Variants in CNTNAP2 observed in about 807,000 individuals in gnomAD.
CNTNAP2 encodes the protein contactin-associated protein-like 2.
In CNTNAP2, 98 loss-of-function variants were observed where a neutral mutation model predicts 155.2. That is an observed-to-expected ratio of 0.63 (90% CI 0.54 to 0.75). The LOEUF (loss-of-function observed/expected upper bound fraction) is 0.75, where lower values mean the gene tolerates loss of function less well. Among genes scored for constraint, CNTNAP2 ranks in the 30% least tolerant of loss-of-function variants. CNTNAP2 has a pLI of 0.00. For synonymous variants in CNTNAP2, 651 were observed against 631.2 expected, an observed-to-expected ratio of 1.03 and a Z score of -0.47; for missense variants, 1,727 against 1,688.1, an observed-to-expected ratio of 1.02 and a Z score of -0.40.
chr7:146,444,583 G>A (rs892734663), intron 1 of CNTNAP2, among the ~76,000 whole-genome samples: 4 of 151,794 alleles, frequency 2.6e-5, no homozygotes, highest in Admixed American at 6.6e-5. Context: ...ATGAACTGTT[G>A]CCACTTTACT....
In CNTNAP2 at chr7:148,358,337, G is replaced by T. The variant is rs528641268; in HGVS notation, c.3476-25312G>T. On this transcript the variant is annotated intron_variant, in intron 21 of 23. Coordinates refer to ENST00000361727, the MANE Select transcript of CNTNAP2 (RefSeq NM_014141.6). ...TGAGGGCCAGGTGGAGGATGAAATG[G>T]GGGGAAGAAGGCAAGATGGCGGGCA... 6.3e-4 allele frequency among the ~76,000 whole-genome samples: 96 copies of T among 152,332 alleles called. 1 individual carries two copies. The highest frequency in any genetic ancestry group is 1.2e-3 in the Non-Finnish European group (85 of 68,040).
At chr7:146,470,783 T>A (rs979934945) in intron 1 of CNTNAP2, among the ~76,000 whole-genome samples, 1 of 152,104 alleles carries the variant, frequency 6.6e-6, no homozygotes, top group African/African-American at 2.4e-5. Flanking sequence ...TCGGCCAGGA[T>A]GGTCTTGAGC....
At chr7:147,942,197 T>C (rs925690035) in intron 14 of CNTNAP2, among the ~76,000 whole-genome samples, 5 of 152,178 alleles carry the variant, frequency 3.3e-5, no homozygotes, top group African/African-American at 1.2e-4. Context: ...GCAGCAGTAA[T>C]TGATGCACTT....
intron 20 of CNTNAP2, among the ~76,000 whole-genome samples, chr7:148,238,953 A>T (rs1000368088): frequency 6.6e-6 from 1 of 152,258 alleles, no homozygotes; most frequent in Non-Finnish European, 1.5e-5. Context: ...TCATGCCTTT[A>T]TTAAGGAAAA....
intron 1 of CNTNAP2, among the ~76,000 whole-genome samples, chr7:146,659,272 T>C (rs1187866194): frequency 6.6e-6 from 1 of 152,192 alleles, no homozygotes; most frequent in East Asian, 1.9e-4. Flanking sequence ...GCAGGATATA[T>C]AGAGATAACC....
intron 1 of CNTNAP2, among the ~76,000 whole-genome samples, chr7:146,436,306 G>T (rs916496584): frequency 2.0e-5 from 3 of 152,124 alleles, no homozygotes; most frequent in African/African-American, 7.2e-5. Flanking sequence ...GTCTACAAAA[G>T]AGGTATGCTC....
intron 15 of CNTNAP2, among the ~76,000 whole-genome samples, chr7:148,005,397 C>T (rs1035468940): frequency 6.6e-6 from 1 of 152,148 alleles, no homozygotes; most frequent in Non-Finnish European, 1.5e-5. Flanking sequence ...GGGACACAGA[C>T]ATTCAGTTCA....
At chr7:148,155,472 G>A (rs1805382447) in intron 17 of CNTNAP2, among the ~76,000 whole-genome samples, 1 of 152,120 alleles carries the variant, frequency 6.6e-6, no homozygotes, top group African/African-American at 2.4e-5. Context: ...AGCTGGGATA[G>A]GAGGGATCAT....
At chr7:147,485,818 G>T in intron 10 of CNTNAP2, 117 bp from the exon 11 acceptor site, 1 of 922,918 alleles carries the variant, frequency 1.1e-6, no homozygotes. Flanking sequence ...AGGATTAATT[G>T]CCTTGGTAAG....
intron 1 of CNTNAP2, among the ~76,000 whole-genome samples, chr7:146,643,632 T>C (rs1278465052): frequency 6.6e-6 from 1 of 152,206 alleles, no homozygotes; most frequent in Admixed American, 6.5e-5. Context: ...AGGGTTGACT[T>C]GGCGATGCAG....
At position 146,982,763 on chromosome 7, in the gene CNTNAP2, A is replaced by G. The variant is rs115744371; in HGVS notation, c.403-61144A>G. Among the ~76,000 whole-genome samples the G allele has an allele frequency of 4.2e-3, 642 of 152,258 alleles. 7 individuals carry two copies. The highest frequency in any genetic ancestry group is 0.015 in the African/African-American group (609 of 41,554). On this transcript the variant is annotated intron_variant, in intron 3 of 23. Coordinates refer to ENST00000361727, the MANE Select transcript of CNTNAP2 (RefSeq NM_014141.6). ...TCACAGATGACAGAGTAAAATGCAAAATGTGTTGCTGCACATGTCAAAAGG... is the reference window on the plus strand; with the variant it reads ...TCACAGATGACAGAGTAAAATGCAAGATGTGTTGCTGCACATGTCAAAAGG...
chr7:146,294,536 A>C (rs546589729), intron 1 of CNTNAP2, among the ~76,000 whole-genome samples: 3 of 152,220 alleles, frequency 2.0e-5, no homozygotes, highest in African/African-American at 7.2e-5. Context: ...TGATTAATGT[A>C]CTTGTCAGTG....
chr7:146,866,837 G>T (rs1388327838), intron 3 of CNTNAP2, among the ~76,000 whole-genome samples: 1 of 152,078 alleles, frequency 6.6e-6, no homozygotes, highest in Non-Finnish European at 1.5e-5. Flanking sequence ...GGAAAACAAT[G>T]TACCTGATAA....
intron 7 of CNTNAP2, 98 bp downstream of exon 7, chr7:147,128,934 A>T (rs1328553695): frequency 6.6e-7 from 1 of 1,513,010 alleles, no homozygotes; most frequent in Non-Finnish European, 9.2e-7. Flanking sequence ...GACATTTTTC[A>T]TCATATTTGT....
chr7:147,552,950 G>C (rs1799879978), intron 11 of CNTNAP2, among the ~76,000 whole-genome samples: 1 of 152,160 alleles, frequency 6.6e-6, no homozygotes, highest in Non-Finnish European at 1.5e-5. Flanking sequence ...ACACAGGATA[G>C]GACAGTCAAG....
chr7:147,746,118 C>T (rs1291656026), intron 13 of CNTNAP2, among the ~76,000 whole-genome samples: 1 of 152,146 alleles, frequency 6.6e-6, no homozygotes, highest in Non-Finnish European at 1.5e-5. Context: ...GCACATTTTA[C>T]CTTTACGTGC....
chr7:146,408,531 C>A (rs191718953), intron 1 of CNTNAP2, among the ~76,000 whole-genome samples: 2,509 of 150,110 alleles, frequency 0.017, 73 homozygotes, highest in African/African-American at 0.058. Context: ...GGACAAAAAA[C>A]CAAACACTGC....
At chr7:148,150,605 G>C (rs1805280081) in intron 17 of CNTNAP2, among the ~76,000 whole-genome samples, 1 of 152,044 alleles carries the variant, frequency 6.6e-6, no homozygotes, top group South Asian at 2.1e-4. Flanking sequence ...TGAATTTCTG[G>C]AGCCACTTAT....
chr7:147,430,195 A>G (rs1797442133), intron 10 of CNTNAP2, among the ~76,000 whole-genome samples: 1 of 152,232 alleles, frequency 6.6e-6, no homozygotes, highest in Non-Finnish European at 1.5e-5. Context: ...ACCATGAGCC[A>G]AATACAATTA....
Sources: allele counts gnomAD v4.1 joint callset (sites outside exome capture counted in the v4.1 genomes callset), GRCh38; gene constraint gnomAD v4.1.1; transcripts MANE v1.5; gene names NCBI Gene and HGNC (gene_info 2026-07-23, HGNC 2026-07-21).